Variants in RYR3 observed in about 807,000 individuals in gnomAD.
The protein encoded by RYR3 is brain ryanodine receptor-calcium release channel.
Under a neutral mutation model 584.3 loss-of-function variants are expected in RYR3, and 207 were observed. The ratio of observed to expected loss-of-function variants is 0.35; its 90% confidence interval spans 0.32 to 0.40. The LOEUF is 0.40. Among genes scored for constraint, RYR3 ranks in the 10% least tolerant of loss-of-function variants. The pLI is 1.00. For synonymous variants in RYR3, 2,416 were observed against 2,248.5 expected, an observed-to-expected ratio of 1.07 and a Z score of -2.11; for missense variants, 5,616 against 6,089.2, an observed-to-expected ratio of 0.92 and a Z score of 2.59.
intron 2 of RYR3, among the ~76,000 whole-genome samples, chr15:33,485,873 A>AGTC (rs1406267955): frequency 6.6e-6 from 1 of 152,196 alleles, no homozygotes; most frequent in East Asian, 1.9e-4. Context: ...TGGACCATGG[A>AGTC]GTCTTGGAAT....
intron 1 of RYR3, among the ~76,000 whole-genome samples, chr15:33,443,258 C>CAA (rs5811759): frequency 7.4e-4 from 101 of 137,106 alleles, no homozygotes; most frequent in African/African-American, 2.3e-3. Context: ...GACTCCACCT[C>CAA]AAAAAAAAAA....
In RYR3 at chr15:33,652,796, G is replaced by A. The variant is rs757897110; in HGVS notation, c.4221G>A (p.Val1407=). ...CCCAGAGATCAAATCGGAGCAACGT[G>A]GACCTGGAGATCGGCTGTCTCGTGG... is the stretch of plus-strand genomic sequence containing the variant. ...ASSQRSNRSN[V]DLEIGCLVDL... is the part of the protein sequence containing the mutation. The change falls in exon 32 of 104, where the codon GTG becomes GTA. Residue 1407 remains valine, a synonymous_variant. Transcript: ENST00000634891. The A allele has an allele frequency of 5.0e-6, 8 of 1,613,796 alleles. No homozygotes were observed. The highest frequency in any genetic ancestry group is 1.7e-6 in the Non-Finnish European group (2 of 1,179,874).
At chr15:33,581,428 G>A (rs761476379) in intron 13 of RYR3, 80 bp from the exon 14 acceptor site, 39 of 1,378,712 alleles carry the variant, frequency 2.8e-5, no homozygotes, top group Middle Eastern at 1.8e-4. Context: ...AAAGGTGAAT[G>A]ATACAGGAGG....
chr15:33,754,256 A>G (rs1433117629), intron 57 of RYR3, among the ~76,000 whole-genome samples: 1 of 152,200 alleles, frequency 6.6e-6, no homozygotes, highest in African/African-American at 2.4e-5. Flanking sequence ...TCAATTTTAA[A>G]CACAGCAACC....
At chr15:33,692,787 A>G in intron 38 of RYR3, among the ~76,000 whole-genome samples, 1 of 152,092 alleles carries the variant, frequency 6.6e-6, no homozygotes, top group East Asian at 1.9e-4. Context: ...TTTGCCCTCT[A>G]GTGAGGTGTT....
At chr15:33,741,269 CA>C (rs1286554296) in intron 51 of RYR3, among the ~76,000 whole-genome samples, 7 of 152,160 alleles carry the variant, frequency 4.6e-5, no homozygotes, top group African/African-American at 1.7e-4. Flanking sequence ...AGTGAAAGGC[CA>C]ACCTGGCCTT....
chr15:33,639,294 G>A lies in RYR3; in HGVS notation c.3556+2744G>A, dbSNP rs141873648. ...TAATGTGTTAGCACATTATACTGTC[G>A]TATCATATTGCCCTTTAATAACACA... On this transcript the variant is annotated intron_variant, in intron 27 of 103. Transcript: ENST00000634891. Among the ~76,000 whole-genome samples the A allele has an allele frequency of 4.9e-4, 75 of 152,230 alleles. 1 individual carries two copies. The highest frequency in any genetic ancestry group is 2.6e-3 in the Admixed American group (40 of 15,298).
At chr15:33,421,496 A>C (rs1178203530) in intron 1 of RYR3, among the ~76,000 whole-genome samples, 1 of 152,182 alleles carries the variant, frequency 6.6e-6, no homozygotes, top group Non-Finnish European at 1.5e-5. Flanking sequence ...GGATGTGGAC[A>C]ATAAAAAGGC....
chr15:33,451,188 G>C (rs149698039), intron 1 of RYR3, among the ~76,000 whole-genome samples: 24 of 152,310 alleles, frequency 1.6e-4, no homozygotes, highest in African/African-American at 5.8e-4. Flanking sequence ...GCCTGGCACA[G>C]AGCTGGTACA....
Position 33,840,815 on chromosome 15 carries a change from T to G in RYR3, c.12979-10T>G, listed in dbSNP as rs770789703. 5 of 1,613,762 alleles carry G rather than the reference T, an allele frequency of 3.1e-6. No individual in the cohort carries two copies. The highest frequency in any genetic ancestry group is 4.2e-6 in the Non-Finnish European group (5 of 1,179,774). On this transcript the variant is annotated splice_polypyrimidine_tract_variant and intron_variant, in intron 89 of 103. Transcript: ENST00000634891. ...TGAGGAAAGCTTGACTAATTGTTAT[T>G]TTTGTCTAGGCAGCAGAAATGAAAG...
At chr15:33,783,530 A>C (rs2074513370) in intron 65 of RYR3, among the ~76,000 whole-genome samples, 1 of 152,238 alleles carries the variant, frequency 6.6e-6, no homozygotes, top group African/African-American at 2.4e-5. Context: ...GCTCCAGTGC[A>C]GCAACCTCAA....
At chr15:33,732,595 G>T (rs2069066823) in intron 48 of RYR3, among the ~76,000 whole-genome samples, 1 of 152,184 alleles carries the variant, frequency 6.6e-6, no homozygotes, top group Admixed American at 6.5e-5. Flanking sequence ...ATCCAAGGAA[G>T]ACGACCCTTT....
Position 33,602,521 on chromosome 15 carries a change from A to T in RYR3, c.1923-602A>T, listed in dbSNP as rs182758110. On this transcript the variant is annotated intron_variant, in intron 17 of 103. Coordinates refer to ENST00000634891, the MANE Select transcript of RYR3 (RefSeq NM_001036.6). ...TTGACCAAAAAATGGAACTCAAGTA[A>T]ATTTTTTTTAACTTAAAAAACAAAG... 6.6e-5 allele frequency among the ~76,000 whole-genome samples: 10 copies of T among 152,312 alleles called. No individual in the cohort carries two copies. In the East Asian group the frequency reaches 1.9e-3, roughly 29 times the overall value.
In RYR3 at chr15:33,667,672, A is replaced by C. The variant is rs75407262; in HGVS notation, c.5620-1682A>C. ...TATAATTATTTCTCTTTGTAGTCCTATGTATTTTATTTTGTGCATTTAAAA... is the reference window on the plus strand; with the variant it reads ...TATAATTATTTCTCTTTGTAGTCCTCTGTATTTTATTTTGTGCATTTAAAA... On this transcript the variant is annotated intron_variant, in intron 36 of 103. Coordinates refer to ENST00000634891, the MANE Select transcript of RYR3 (RefSeq NM_001036.6). Among the ~76,000 whole-genome samples the C allele has an allele frequency of 8.4e-3, 1,285 of 152,288 alleles. 23 individuals are homozygous for C. Among genetic ancestry groups the C allele is most frequent in the African/African-American group, 0.03 (1,229 of 41,558 alleles).
Position 33,838,442 on chromosome 15 carries a change from C to A in RYR3, c.12462C>A (p.Thr4154=), listed in dbSNP as rs756142838. 6.2e-7 allele frequency: 1 copy of A among 1,613,958 alleles called. No individual in the cohort carries two copies. Among genetic ancestry groups the A allele is most frequent in the African/African-American group, 1.3e-5 (1 of 75,034 alleles). The change falls in exon 89 of 104, where the codon ACC becomes ACA. Residue 4154 remains threonine (T), a synonymous_variant. Transcript: ENST00000634891. ...GTGCCTCTGTGAAGAGGAATGTCAC[C>A]GACTTCCTGAAGAGAGCAACCCTGA... ...MACASVKRNV[T]DFLKRATLKN...
chr15:33,335,886 A>G (rs1461262518), intron 1 of RYR3, among the ~76,000 whole-genome samples: 1 of 152,174 alleles, frequency 6.6e-6, no homozygotes, highest in East Asian at 1.9e-4. Flanking sequence ...GAAAGGTTGG[A>G]ATAAATTAAC....
chr15:33,570,746 G>A (rs1044726824), intron 12 of RYR3, among the ~76,000 whole-genome samples: 1 of 151,996 alleles, frequency 6.6e-6, no homozygotes, highest in African/African-American at 2.4e-5. Flanking sequence ...ATTATTTTCA[G>A]GAAGATATTG....
intron 3 of RYR3, among the ~76,000 whole-genome samples, chr15:33,527,655 C>T (rs1276885103): frequency 6.6e-6 from 1 of 151,466 alleles, no homozygotes; most frequent in East Asian, 1.9e-4. Context: ...TGCCCTTTTA[C>T]AGAAAAAAAA....
intron 1 of RYR3, among the ~76,000 whole-genome samples, chr15:33,364,697 G>A (rs1975240505): frequency 6.6e-6 from 1 of 152,198 alleles, no homozygotes; most frequent in Non-Finnish European, 1.5e-5. Flanking sequence ...GTCCAACAAG[G>A]AAGACCCAGG....
Sources: allele counts gnomAD v4.1 joint callset (sites outside exome capture counted in the v4.1 genomes callset), GRCh38; gene constraint gnomAD v4.1.1; transcripts MANE v1.5; gene names NCBI Gene and HGNC (gene_info 2026-07-23, HGNC 2026-07-21).